RNF157: variants seen among roughly 807,000 people sequenced by gnomAD.
RNF157 encodes E3 ubiquitin ligase RNF157.
In RNF157, 55 loss-of-function variants were observed where a neutral mutation model predicts 88.3. The observed-to-expected ratio is 0.62, with a 90% CI of 0.50 to 0.78. The LOEUF (loss-of-function observed/expected upper bound fraction) is 0.78. RNF157 is among the 30% of genes least tolerant of loss of function. RNF157 has a pLI of 0.00. For synonymous variants in RNF157, 334 were observed against 341.2 expected, an observed-to-expected ratio of 0.98 and a Z score of 0.23; for missense variants, 788 against 860.8, an observed-to-expected ratio of 0.92 and a Z score of 1.06.
intron 2 of RNF157, among the ~76,000 whole-genome samples, chr17:76,187,878 G>A (rs2144932594): frequency 6.6e-6 from 1 of 152,274 alleles, no homozygotes; most frequent in South Asian, 2.1e-4. Flanking sequence ...GATTACAAGT[G>A]TGAGCCACCA....
intron 2 of RNF157, among the ~76,000 whole-genome samples, chr17:76,181,745 T>C (rs1463631489): frequency 2.0e-5 from 3 of 150,946 alleles, no homozygotes; most frequent in South Asian, 2.1e-4. Context: ...TCATCTCTAC[T>C]AAAAATACAA....
chr17:76,174,003 A>G (rs2069062445), intron 2 of RNF157, among the ~76,000 whole-genome samples: 1 of 152,018 alleles, frequency 6.6e-6, no homozygotes, highest in Non-Finnish European at 1.5e-5. Context: ...GGGCCCAAAG[A>G]GCCAGATTTA....
Position 76,219,457 on chromosome 17 carries a change from T to G in RNF157, c.89-6975A>C, listed in dbSNP as rs184286448. ...AGTGGCTATGAAGATATATACATAT[T>G]AATTAATATTTTTAAAACAAGCAAT... On this transcript the variant is annotated intron_variant, in intron 1 of 18. Coordinates refer to ENST00000269391, the MANE Select transcript of RNF157 (RefSeq NM_052916.3). Among the ~76,000 whole-genome samples the G allele has an allele frequency of 2.1e-3, 316 of 152,052 alleles. 2 individuals carry two copies. The highest frequency in any genetic ancestry group is 9.5e-3 in the South Asian group (46 of 4,818).
At chr17:76,166,587 G>T in intron 5 of RNF157, 60 bp from the exon 6 acceptor site, 1 of 1,337,298 alleles carries the variant, frequency 7.5e-7, no homozygotes, top group Non-Finnish European at 1.1e-6. Flanking sequence ...ACATGGCACA[G>T]CTAATCTCAG....
At chr17:76,168,272 C>T in intron 3 of RNF157, among the ~76,000 whole-genome samples, 1 of 152,144 alleles carries the variant, frequency 6.6e-6, no homozygotes, top group East Asian at 1.9e-4. Context: ...CCTCACTGTG[C>T]TCCATGTAGG....
Position 76,152,458 on chromosome 17 carries a change from C to T in RNF157, c.1818G>A (p.Arg606=). 2.5e-6 allele frequency: 4 copies of T among 1,609,852 alleles called. No homozygotes were observed. Among genetic ancestry groups the T allele is most frequent in the Non-Finnish European group, 2.6e-6 (3 of 1,176,138 alleles). ...EDGSPTQEGQ[R]TCAFLGMECD... is the part of the protein sequence containing the mutation. Reference sequence around the variant, plus strand: ...ACTCCATACCTAGAAATGCGCACGTCCTCTGGCCTGTAACGGAGTTAATGC... The same window carrying T: ...ACTCCATACCTAGAAATGCGCACGTTCTCTGGCCTGTAACGGAGTTAATGC... Residue 606 remains arginine (R), a synonymous_variant, in exon 18 of 19, where the codon AGG becomes AGA. Coordinates refer to ENST00000269391, the MANE Select transcript of RNF157 (RefSeq NM_052916.3).
In RNF157 at chr17:76,152,358, G is replaced by A. The variant is rs1426935840; in HGVS notation, c.1918C>T (p.Pro640Ser). ...DNKLCSEVCL[P>S]GAWQADDNAV... ...TGTTCAGCAGACTGACACTCACCAG[G>A]TAAGCAGACCTCAGAGCACAGCTTA... The change falls in exon 18 of 19, where the codon CCT becomes TCT. Residue 640 changes from proline to serine, a missense_variant. Transcript: ENST00000269391. The A allele has an allele frequency of 1.3e-6, 2 of 1,596,994 alleles. No individual in the cohort carries two copies. The highest frequency in any genetic ancestry group is 1.7e-6 in the Non-Finnish European group (2 of 1,164,424).
chr17:76,152,135 C>G (rs886152356), intron 18 of RNF157, among the ~76,000 whole-genome samples: 5 of 152,166 alleles, frequency 3.3e-5, no homozygotes, highest in Admixed American at 6.5e-5. Flanking sequence ...TCTTCCTATC[C>G]TAATACTCTC....
At chr17:76,205,145 CT>C (rs112594629) in intron 2 of RNF157, among the ~76,000 whole-genome samples, 197 of 142,628 alleles carry the variant, frequency 1.4e-3, no homozygotes, top group Middle Eastern at 7.4e-3. Flanking sequence ...TTTTTTCTTT[CT>C]TTTTTTTTTT....
At position 76,176,461 on chromosome 17, in the gene RNF157, C is replaced by G. The variant is rs754886219; in HGVS notation, c.208-2671G>C. On this transcript the variant is annotated intron_variant, in intron 2 of 18. Transcript: ENST00000269391. The surrounding 1 kb of genome is among the most constrained non-coding windows in gnomAD (Gnocchi z 4.2). ...GCTCTTAGAGTTGTCTCCCATTCTT[C>G]TGTAAATCGATTTTGCCTACTATTA... 6.6e-6 allele frequency among the ~76,000 whole-genome samples: 1 copy of G among 152,204 alleles called. No homozygotes were observed. Among genetic ancestry groups the G allele is most frequent in the Non-Finnish European group, 1.5e-5 (1 of 68,030 alleles).
chr17:76,158,308 G>C (rs546496088), intron 13 of RNF157, 85 bp downstream of exon 13: 2 of 887,862 alleles, frequency 2.3e-6, no homozygotes, highest in South Asian at 1.3e-5. Context: ...GAGTGAATGA[G>C]AGCAGAGGGA....
intron 7 of RNF157, 61 bp downstream of exon 7, chr17:76,165,441 T>C (rs192489416): frequency 6.4e-7 from 1 of 1,560,768 alleles, no homozygotes; most frequent in African/African-American, 1.4e-5. Context: ...ACGGGTTACA[T>C]GTGTCTCACA....
rs1278184402 is a variant in RNF157 at position 76,176,149 on chromosome 17, T to G, written c.208-2359A>C. On this transcript the variant is annotated intron_variant, in intron 2 of 18. Transcript: ENST00000269391. This position sits in a 1 kb window ranked among gnomAD's most constrained non-coding sequence, Gnocchi z 4.2. The stretch of plus-strand genomic sequence containing the variant: ...CTCCATGCCAGGAGTAAGGAGAGAT[T>G]GAAAACCAAGAAGATAAGGCCCTGC... 6.6e-6 allele frequency among the ~76,000 whole-genome samples: 1 copy of G among 152,186 alleles called. No individual in the cohort carries two copies. Among genetic ancestry groups the G allele is most frequent in the Non-Finnish European group, 1.5e-5 (1 of 68,036 alleles).
intron 1 of RNF157, chr17:76,226,684 G>C: frequency 6.2e-7 from 1 of 1,612,124 alleles, no homozygotes; most frequent in Non-Finnish European, 8.5e-7. Context: ...TGAAGTGCTT[G>C]GCCACCTCCA....
intron 2 of RNF157, among the ~76,000 whole-genome samples, chr17:76,203,197 G>A (rs1464610392): frequency 6.6e-6 from 1 of 152,026 alleles, no homozygotes; most frequent in Non-Finnish European, 1.5e-5. Flanking sequence ...CGCCATGTTG[G>A]CCAGGCTGGT....
At chr17:76,154,620 G>A in intron 16 of RNF157, 1 of 320,388 alleles carries the variant, frequency 3.1e-6, no homozygotes, top group South Asian at 6.5e-5. Flanking sequence ...TCTCTAAGGT[G>A]GAAGTAAAAA....
At chr17:76,203,135 C>T (rs569855953) in intron 2 of RNF157, among the ~76,000 whole-genome samples, 1 of 152,088 alleles carries the variant, frequency 6.6e-6, no homozygotes, top group African/African-American at 2.4e-5. Context: ...GGATTACAGG[C>T]ATGCACCACC....
chr17:76,172,169 T>C lies in RNF157; in HGVS notation c.296+1533A>G, dbSNP rs192201405. Among the ~76,000 whole-genome samples, 3 of 152,172 alleles carry C rather than the reference T, an allele frequency of 2.0e-5. No individual in the cohort carries two copies. In the East Asian group the frequency reaches 5.8e-4, roughly 29 times the overall value. ...AGAAACTTCAGGGACAAATAAAATA[T>C]AAAAAATTAAGAGAGAGAAACAGAA... On this transcript the variant is annotated intron_variant, in intron 3 of 18. Transcript: ENST00000269391.
chr17:76,209,470 A>C (rs1286694657), intron 2 of RNF157, among the ~76,000 whole-genome samples: 1 of 149,198 alleles, frequency 6.7e-6, no homozygotes, highest in African/African-American at 2.6e-5. Context: ...AAACATTGTA[A>C]GATTTTTTTG....
Sources: gnomAD v4.1 joint callset for allele counts (sites outside exome capture counted in the v4.1 genomes callset) on GRCh38, gnomAD v4.1.1 for gene constraint, Gnocchi (gnomAD v3.1) non-coding constraint, MANE v1.5 for transcripts, NCBI Gene and HGNC (gene_info 2026-07-23, HGNC 2026-07-21) for gene names.